The following TRIO variants were observed in gnomAD, a reference collection of about 807,000 sequenced individuals.
TRIO encodes the protein triple functional domain protein.
Under a neutral mutation model 351.9 loss-of-function variants are expected in TRIO, and 58 were observed. The ratio of observed to expected loss-of-function variants is 0.16; its 90% confidence interval spans 0.13 to 0.21. TRIO has a LOEUF of 0.21. Among genes scored for constraint, TRIO ranks in the 10% least tolerant of loss-of-function variants. The pLI, the probability that TRIO is intolerant of heterozygous loss-of-function variation, is 1.00. For missense variants in TRIO, 3,201 were observed against 4,027.8 expected (o/e 0.79, Z 5.56); for synonymous variants, 1,758 against 1,595.7 (o/e 1.10, Z -2.42).
chr5:14,271,649 C>A (rs1309140305), intron 2 of TRIO, among the ~76,000 whole-genome samples: 5 of 152,196 alleles, frequency 3.3e-5, no homozygotes, highest in Admixed American at 2.0e-4. Flanking sequence ...CAAAGATTTG[C>A]AAGATTTTTC....
chr5:14,466,858 C>T (rs890353163), intron 37 of TRIO, among the ~76,000 whole-genome samples: 1 of 152,324 alleles, frequency 6.6e-6, no homozygotes, highest in South Asian at 2.1e-4. Context: ...ATACAGATTA[C>T]CTCTTTCCTT....
At chr5:14,439,224 C>T (rs888662250) in intron 34 of TRIO, among the ~76,000 whole-genome samples, 1 of 152,166 alleles carries the variant, frequency 6.6e-6, no homozygotes, top group African/African-American at 2.4e-5. Flanking sequence ...CCATGTTGGC[C>T]AGGCTAGTCT....
chr5:14,376,139 G>A (rs1282307521), intron 19 of TRIO, among the ~76,000 whole-genome samples: 2 of 152,296 alleles, frequency 1.3e-5, no homozygotes, highest in East Asian at 3.9e-4. Context: ...TGTAAATGCT[G>A]CTCTTCTGTT....
intron 1 of TRIO, among the ~76,000 whole-genome samples, chr5:14,241,352 T>C (rs1794117344): frequency 6.6e-6 from 1 of 152,196 alleles, no homozygotes; most frequent in South Asian, 2.1e-4. Flanking sequence ...GTAGAAATTA[T>C]GGGTTAGGCA....
intron 48 of TRIO, among the ~76,000 whole-genome samples, chr5:14,491,497 A>G (rs2126655020): frequency 6.6e-6 from 1 of 152,298 alleles, no homozygotes; most frequent in East Asian, 1.9e-4. Flanking sequence ...GACTTGGGCA[A>G]GATGCAGCTT....
chr5:14,315,493 C>G (rs141318950), intron 8 of TRIO, among the ~76,000 whole-genome samples: 3,493 of 152,136 alleles, frequency 0.023, 138 homozygotes, highest in African/African-American at 0.081. Flanking sequence ...CCTTGTGATC[C>G]GCCTGCCTCG....
intron 1 of TRIO, among the ~76,000 whole-genome samples, chr5:14,241,984 T>A (rs945337537): frequency 3.3e-5 from 5 of 152,258 alleles, no homozygotes; most frequent in African/African-American, 1.2e-4. Flanking sequence ...CTGATCATAG[T>A]CACTAATGGT....
intron 9 of TRIO, among the ~76,000 whole-genome samples, chr5:14,330,334 A>G (rs1740792378): frequency 1.3e-5 from 2 of 152,056 alleles, no homozygotes; most frequent in African/African-American, 4.8e-5. Flanking sequence ...GAAGAGATGG[A>G]AAAAAAATGA....
chr5:14,270,687 G>A (rs1474891296), intron 1 of TRIO, 138 bp from the exon 2 acceptor site: 1 of 688,720 alleles, frequency 1.5e-6, no homozygotes. Context: ...GAATTTAAAT[G>A]TTGTGCTATG....
At chr5:14,357,826 G>T (rs1743764753) in intron 11 of TRIO, among the ~76,000 whole-genome samples, 1 of 152,168 alleles carries the variant, frequency 6.6e-6, no homozygotes, top group Admixed American at 6.5e-5. Context: ...GCGAACTGAG[G>T]GTCTTTTCTT....
intron 7 of TRIO, among the ~76,000 whole-genome samples, chr5:14,299,498 A>G (rs917028615): frequency 6.6e-6 from 1 of 152,200 alleles, no homozygotes; most frequent in Non-Finnish European, 1.5e-5. Context: ...TCAGAAAGAC[A>G]GTCCTTACTT....
chr5:14,246,301 A>T (rs1295459894), intron 1 of TRIO, among the ~76,000 whole-genome samples: 1 of 152,126 alleles, frequency 6.6e-6, no homozygotes. Context: ...ACTAGGGGGA[A>T]CTCTGGGGTT....
At chr5:14,300,714 C>G (rs1371174653) in intron 7 of TRIO, among the ~76,000 whole-genome samples, 1 of 152,136 alleles carries the variant, frequency 6.6e-6, no homozygotes, top group Non-Finnish European at 1.5e-5. Context: ...TCCTGATAAT[C>G]TGTATGGGGA....
At chr5:14,436,565 A>G (rs542521171) in intron 34 of TRIO, among the ~76,000 whole-genome samples, 1 of 152,364 alleles carries the variant, frequency 6.6e-6, no homozygotes, top group East Asian at 1.9e-4. Context: ...AGTCTCATCC[A>G]AAACAAGGCA....
intron 13 of TRIO, among the ~76,000 whole-genome samples, chr5:14,361,858 C>T (rs1459951359): frequency 2.6e-5 from 4 of 152,212 alleles, no homozygotes; most frequent in Non-Finnish European, 5.9e-5. Context: ...TGGCTCACGC[C>T]TATAATCCTA....
intron 2 of TRIO, among the ~76,000 whole-genome samples, chr5:14,277,082 A>G (rs1438002133): frequency 6.6e-6 from 1 of 152,244 alleles, no homozygotes; most frequent in Admixed American, 6.5e-5. Context: ...AAAATAATCC[A>G]TTCAGCAAAT....
At chr5:14,416,085 A>G (rs965918259) in intron 33 of TRIO, among the ~76,000 whole-genome samples, 2 of 151,272 alleles carry the variant, frequency 1.3e-5, no homozygotes, top group African/African-American at 4.9e-5. Context: ...ATGGTTAGAA[A>G]GAAAAGGGAA....
At chr5:14,379,550 C>T (rs995275777) in intron 20 of TRIO, among the ~76,000 whole-genome samples, 4 of 152,148 alleles carry the variant, frequency 2.6e-5, no homozygotes, top group Admixed American at 6.5e-5. Context: ...CATGCAGTCA[C>T]GTTTAGTAAA....
intron 1 of TRIO, among the ~76,000 whole-genome samples, chr5:14,240,726 C>T (rs956817701): frequency 6.6e-6 from 1 of 152,310 alleles, no homozygotes; most frequent in East Asian, 1.9e-4. Context: ...GGACTACTTA[C>T]ATTTCACTGA....
Sources: allele counts gnomAD v4.1 joint callset (sites outside exome capture counted in the v4.1 genomes callset), GRCh38; gene constraint gnomAD v4.1.1; transcripts MANE v1.5; gene names NCBI Gene and HGNC (gene_info 2026-07-23, HGNC 2026-07-21).